OR10J1: variants seen among roughly 807,000 people sequenced by gnomAD.
OR10J1 encodes olfactory receptor family 10 subfamily J member 1, also known as olfactory receptor 10J1.
For synonymous variants in OR10J1, 202 were observed against 143.8 expected (o/e 1.40, Z -2.89); for missense variants, 474 against 376.6 (o/e 1.26, Z -2.14).
chr1:159,419,925 T>C, the OR10J1 span, among the ~76,000 whole-genome samples: 5 of 152,206 alleles, frequency 3.3e-5, no homozygotes, highest in African/African-American at 9.6e-5. Context: ...AAGTAGGGCG[T>C]TGAAGTCTCC....
the OR10J1 span, among the ~76,000 whole-genome samples, chr1:159,414,479 T>C: frequency 6.6e-6 from 1 of 152,162 alleles, no homozygotes; most frequent in Non-Finnish European, 1.5e-5. Context: ...ATTTACTTTG[T>C]ACATTTGTCA....
At chr1:159,435,934 A>G (rs1004037358), upstream of OR10J1, among the ~76,000 whole-genome samples, 8 of 152,176 alleles carry the variant, frequency 5.3e-5, no homozygotes, top group African/African-American at 9.7e-5. Flanking sequence ...TTGGTGGCAG[A>G]TTGGACTTTC....
In OR10J1 at chr1:159,440,781, G is replaced by A. The variant is rs752639734; in HGVS notation, c.*60G>A. Reference sequence around the variant, plus strand: ...TCCACACTAGGCAGGAATATGAGGTGTAAACTCACAAACACTTGGCTCCTA... The same window carrying A: ...TCCACACTAGGCAGGAATATGAGGTATAAACTCACAAACACTTGGCTCCTA... On this transcript the variant is annotated 3_prime_UTR_variant, in exon 1 of 1. Coordinates refer to ENST00000423932, the MANE Select transcript of OR10J1 (RefSeq NM_012351.3). 1.4e-5 allele frequency: 21 copies of A among 1,534,618 alleles called. No individual in the cohort carries two copies. The highest frequency in any genetic ancestry group is 1.9e-5 in the Admixed American group (1 of 52,476).
At chr1:159,433,421 G>C (rs1031122384), upstream of OR10J1, among the ~76,000 whole-genome samples, 6 of 152,138 alleles carry the variant, frequency 3.9e-5, no homozygotes, top group Non-Finnish European at 8.8e-5. Context: ...CATTATTCCT[G>C]TTACTCTTGT....
At chr1:159,429,208 G>C in the OR10J1 span, among the ~76,000 whole-genome samples, 1 of 152,214 alleles carries the variant, frequency 6.6e-6, no homozygotes, top group East Asian at 1.9e-4. Flanking sequence ...TGCAAAGCAG[G>C]CAAAACTGGC....
chr1:159,430,643 GT>G, the OR10J1 span, among the ~76,000 whole-genome samples: 2 of 71,246 alleles, frequency 2.8e-5, no homozygotes, highest in African/African-American at 7.2e-5. Context: ...AAATTATGGT[GT>G]GTGTGTGTGT....
At chr1:159,418,978 C>G in the OR10J1 span, among the ~76,000 whole-genome samples, 1 of 152,062 alleles carries the variant, frequency 6.6e-6, no homozygotes, top group East Asian at 1.9e-4. Flanking sequence ...GGGCCTGTAG[C>G]CCCTTCATTT....
the OR10J1 span, among the ~76,000 whole-genome samples, chr1:159,416,811 A>G: frequency 6.6e-6 from 1 of 151,998 alleles, no homozygotes; most frequent in African/African-American, 2.4e-5. Flanking sequence ...AAGTCTTGGT[A>G]GGTGATATGA....
chr1:159,419,390 C>T, the OR10J1 span, among the ~76,000 whole-genome samples: 1 of 152,160 alleles, frequency 6.6e-6, no homozygotes, highest in Non-Finnish European at 1.5e-5. Flanking sequence ...GTGAATAAGT[C>T]TCATGAGATC....
the OR10J1 span, among the ~76,000 whole-genome samples, chr1:159,404,667 A>C: frequency 1.3e-5 from 2 of 152,140 alleles, no homozygotes; most frequent in Non-Finnish European, 2.9e-5. Context: ...ATTTTTCTCA[A>C]GAGGTGTCGG....
At chr1:159,424,413 T>A in the OR10J1 span, among the ~76,000 whole-genome samples, 1 of 148,598 alleles carries the variant, frequency 6.7e-6, no homozygotes, top group Non-Finnish European at 1.5e-5. Context: ...TGAATATACA[T>A]ATATTCAAAT....
the OR10J1 span, among the ~76,000 whole-genome samples, chr1:159,430,991 T>C: frequency 6.6e-6 from 1 of 152,208 alleles, no homozygotes; most frequent in Non-Finnish European, 1.5e-5. Flanking sequence ...TTTTGTTGTT[T>C]CTATTGCTGT....
At chr1:159,422,197 T>C in the OR10J1 span, among the ~76,000 whole-genome samples, 3 of 152,142 alleles carry the variant, frequency 2.0e-5, no homozygotes, top group Non-Finnish European at 4.4e-5. Context: ...CTGGAGTTGG[T>C]GGATCTGGGC....
the OR10J1 span, chr1:159,432,071 G>C: frequency 1.8e-5 from 7 of 398,024 alleles, no homozygotes; most frequent in Non-Finnish European, 3.1e-5. Flanking sequence ...AATGTTGAGA[G>C]CATCTGAAAC....
At chr1:159,413,105 C>T in the OR10J1 span, among the ~76,000 whole-genome samples, 5 of 152,178 alleles carry the variant, frequency 3.3e-5, no homozygotes, top group African/African-American at 1.2e-4. Context: ...CCATCACTGG[C>T]CATCAGAGAA....
chr1:159,431,094 C>T, the OR10J1 span, among the ~76,000 whole-genome samples: 1 of 152,202 alleles, frequency 6.6e-6, no homozygotes. Flanking sequence ...AAGCTACCCT[C>T]CACACGGAAC....
the OR10J1 span, chr1:159,405,313 A>G: frequency 6.6e-6 from 1 of 152,234 alleles, no homozygotes; most frequent in South Asian, 2.1e-4. Context: ...AGGACCTGTG[A>G]TGACATTCCA....
chr1:159,424,214 T>TAAAAAAAAAG, the OR10J1 span, among the ~76,000 whole-genome samples: 3 of 133,450 alleles, frequency 2.2e-5, no homozygotes, highest in Non-Finnish European at 4.7e-5. Flanking sequence ...AGACTCCATC[T>TAAAAAAAAAG]CCAAAAAAAA....
chr1:159,430,763 C>G, the OR10J1 span, among the ~76,000 whole-genome samples: 1 of 151,612 alleles, frequency 6.6e-6, no homozygotes, highest in Non-Finnish European at 1.5e-5. Context: ...GGGAGGAAAG[C>G]AGAAATTTAA....
Sources: gnomAD v4.1 joint callset for allele counts (sites outside exome capture counted in the v4.1 genomes callset) on GRCh38, gnomAD v4.1.1 for gene constraint, MANE v1.5 for transcripts, NCBI Gene and HGNC (gene_info 2026-07-23, HGNC 2026-07-21) for gene names.